TTLL11: variants seen among roughly 807,000 people sequenced by gnomAD.
TTLL11 encodes tubulin polyglutamylase TTLL11.
Under a neutral mutation model 51.7 loss-of-function variants are expected in TTLL11, and 42 were observed. That is an observed-to-expected ratio of 0.81 (90% CI 0.64 to 1.05). TTLL11 has a LOEUF of 1.05. Ranked by LOEUF, TTLL11 falls within the 50% of genes least tolerant of loss-of-function variation. TTLL11 has a pLI of 0.00. For missense variants in TTLL11, 799 were observed against 940.4 expected, an observed-to-expected ratio of 0.85 and a Z score of 1.97; for synonymous variants, 381 against 383.5, an observed-to-expected ratio of 0.99 and a Z score of 0.08.
intron 6 of TTLL11, among the ~76,000 whole-genome samples, chr9:121,916,909 C>T (rs925305486): frequency 1.3e-5 from 2 of 152,220 alleles, no homozygotes; most frequent in African/African-American, 4.8e-5. Flanking sequence ...GGCTGGGGAG[C>T]TGTTGCAGAC....
chr9:121,989,816 T>C lies in TTLL11; in HGVS notation c.694-46A>G. On this transcript the variant is annotated intron_variant, in intron 3 of 8. Transcript: ENST00000321582. The surrounding 1 kb of genome is among the most constrained non-coding windows in gnomAD (Gnocchi z 4.2). ...GGCCGACATTATATTGTTTTCCCTC[T>C]GGATCCCTAACACAGAGCAAGGCCT... The C allele has an allele frequency of 6.5e-7, 1 of 1,546,764 alleles. No individual in the cohort carries two copies. The highest frequency in any genetic ancestry group is 8.7e-7 in the Non-Finnish European group (1 of 1,149,190).
chr9:121,997,532 T>G lies in TTLL11; in HGVS notation c.694-7762A>C, dbSNP rs115663102. On this transcript the variant is annotated intron_variant, in intron 3 of 8. Coordinates refer to ENST00000321582, the MANE Select transcript of TTLL11 (RefSeq NM_001139442.2). ...CAGACTGCAGCTTCCCTTTACCTCCTCCGAGTCCACATACTGGGTGTCTGC... is the reference window on the plus strand; with the variant it reads ...CAGACTGCAGCTTCCCTTTACCTCCGCCGAGTCCACATACTGGGTGTCTGC... Among the ~76,000 whole-genome samples, 1,186 of 152,120 alleles carry G rather than the reference T, an allele frequency of 7.8e-3. 15 individuals are homozygous for G. The highest frequency in any genetic ancestry group is 0.028 in the African/African-American group (1,154 of 41,458).
chr9:122,008,806 G>A (rs1468246334), intron 3 of TTLL11, among the ~76,000 whole-genome samples: 4 of 152,202 alleles, frequency 2.6e-5, no homozygotes, highest in Admixed American at 1.3e-4. Flanking sequence ...TGTCCGTCGC[G>A]GGTGAATGAA....
At chr9:121,918,168 G>C (rs974444244) in intron 6 of TTLL11, among the ~76,000 whole-genome samples, 1 of 152,186 alleles carries the variant, frequency 6.6e-6, no homozygotes, top group South Asian at 2.1e-4. Flanking sequence ...GGTTACTGGA[G>C]AGGAATCAGT....
intron 6 of TTLL11, among the ~76,000 whole-genome samples, chr9:121,955,755 T>TA (rs1250841547): frequency 1.3e-5 from 2 of 152,206 alleles, no homozygotes; most frequent in African/African-American, 4.8e-5. Flanking sequence ...AAGGACAAAC[T>TA]AAATGGTGCA....
intron 8 of TTLL11, among the ~76,000 whole-genome samples, chr9:121,850,653 G>A (rs1837642502): frequency 6.6e-6 from 1 of 152,098 alleles, no homozygotes; most frequent in Admixed American, 6.6e-5. Flanking sequence ...ATTGGATGGT[G>A]CCCACTCACA....
At chr9:121,842,308 A>C (rs894127037) in intron 8 of TTLL11, among the ~76,000 whole-genome samples, 2 of 151,896 alleles carry the variant, frequency 1.3e-5, no homozygotes, top group Admixed American at 1.3e-4. Context: ...GGAGGACTGG[A>C]GTGCAGTGAT....
At chr9:121,970,900 G>A (rs1484816678) in intron 6 of TTLL11, among the ~76,000 whole-genome samples, 2 of 152,332 alleles carry the variant, frequency 1.3e-5, no homozygotes. Flanking sequence ...ACATGCACAC[G>A]TATGTTTATT....
chr9:121,954,072 C>A (rs1271993981), intron 6 of TTLL11, among the ~76,000 whole-genome samples: 1 of 152,224 alleles, frequency 6.6e-6, no homozygotes, highest in Non-Finnish European at 1.5e-5. Context: ...CCCAACACAG[C>A]CCCAGCCCCA....
At chr9:121,857,353 G>C (rs905813796) in intron 8 of TTLL11, among the ~76,000 whole-genome samples, 4 of 152,178 alleles carry the variant, frequency 2.6e-5, no homozygotes, top group African/African-American at 9.7e-5. Flanking sequence ...GCCCTGGATG[G>C]GGGGAGAGCA....
intron 1 of TTLL11, among the ~76,000 whole-genome samples, chr9:122,053,366 A>G (rs1845211911): frequency 2.0e-5 from 3 of 152,152 alleles, no homozygotes; most frequent in Admixed American, 1.3e-4. Context: ...AATCAGGCAG[A>G]GGACTATAGG....
chr9:121,864,952 T>C (rs1243779235), intron 7 of TTLL11, among the ~76,000 whole-genome samples: 1 of 151,594 alleles, frequency 6.6e-6, no homozygotes, highest in African/African-American at 2.4e-5. Flanking sequence ...GAAAAGAAGC[T>C]TTTTTTTTCT....
intron 6 of TTLL11, among the ~76,000 whole-genome samples, chr9:121,921,819 T>A (rs974528806): frequency 6.6e-6 from 1 of 151,876 alleles, no homozygotes; most frequent in African/African-American, 2.4e-5. Context: ...AGGGAAGTAA[T>A]CCTAAGCTTT....
At chr9:122,012,448 A>G (rs148045959) in intron 3 of TTLL11, among the ~76,000 whole-genome samples, 3 of 152,132 alleles carry the variant, frequency 2.0e-5, no homozygotes, top group Non-Finnish European at 2.9e-5. Flanking sequence ...GAGAAAAAAA[A>G]AAGCATATTA....
rs189968342 is a variant in TTLL11, at chr9:122,030,344, G to A, written c.693+1379C>T. ...TTTTAAGCAATGTATATAAACCCAT[G>A]TGACCACCATCTCAGAGAAAACTTC... On this transcript the variant is annotated intron_variant, in intron 3 of 8. Coordinates refer to ENST00000321582, the MANE Select transcript of TTLL11 (RefSeq NM_001139442.2). 4.8e-4 allele frequency among the ~76,000 whole-genome samples: 73 copies of A among 152,142 alleles called. 2 individuals carry two copies. The South Asian group carries it at 7.5e-3, about 16-fold the overall frequency.
At chr9:121,908,729 G>C (rs1840021958) in intron 6 of TTLL11, among the ~76,000 whole-genome samples, 1 of 152,086 alleles carries the variant, frequency 6.6e-6, no homozygotes, top group African/African-American at 2.4e-5. Context: ...ATTGTTTCAG[G>C]CCTCTCTTCC....
intron 6 of TTLL11, among the ~76,000 whole-genome samples, chr9:121,943,814 G>A (rs1052400855): frequency 3.9e-5 from 6 of 152,160 alleles, no homozygotes; most frequent in Middle Eastern, 3.4e-3. Flanking sequence ...TCCAGGCTTC[G>A]TGGGAATAGA....
intron 8 of TTLL11, among the ~76,000 whole-genome samples, chr9:121,838,765 C>A (rs1047968292): frequency 2.9e-5 from 4 of 138,722 alleles, no homozygotes; most frequent in African/African-American, 5.9e-5. Flanking sequence ...AGAGAGAAAG[C>A]AAGCAAGCAA....
At position 121,976,134 on chromosome 9, in the gene TTLL11, C is replaced by T. The variant is rs114038982; in HGVS notation, c.1270-1155G>A. Among the ~76,000 whole-genome samples, 676 of 152,266 alleles carry T rather than the reference C, an allele frequency of 4.4e-3. 3 individuals are homozygous for T. Among genetic ancestry groups the T allele is most frequent in the African/African-American group, 0.016 (651 of 41,530 alleles). On this transcript the variant is annotated intron_variant, in intron 4 of 8. Transcript: ENST00000321582. ...GATGAACAGTTTCACATAGTTAAAC[C>T]AAGCTCAGAGCCCTTCTAAGCGCAG...
Sources: gnomAD v4.1 joint callset for allele counts (sites outside exome capture counted in the v4.1 genomes callset) on GRCh38, gnomAD v4.1.1 for gene constraint, Gnocchi (gnomAD v3.1) non-coding constraint, MANE v1.5 for transcripts, NCBI Gene and HGNC (gene_info 2026-07-23, HGNC 2026-07-21) for gene names.